The following CTPS2 variants were observed in gnomAD, a reference collection of about 807,000 sequenced individuals.
CTPS2 encodes the protein CTP synthase 2, also known as CTP synthase II.
CTPS2 carries 19 observed loss-of-function variants against 46.8 expected under a neutral mutation model. The observed-to-expected ratio is 0.41, with a 90% CI of 0.28 to 0.60. The LOEUF is 0.60. Among genes scored for constraint, CTPS2 ranks in the 20% least tolerant of loss-of-function variants. The pLI, the probability that CTPS2 is intolerant of heterozygous loss-of-function variation, is 0.35. For synonymous variants in CTPS2, 151 were observed against 165.2 expected (o/e 0.91, Z 0.66); for missense variants, 286 against 447.6 (o/e 0.64, Z 3.26).
Position 16,590,787 on chromosome X carries a change from T to C in CTPS2, c.*6A>G. The stretch of plus-strand genomic sequence containing the variant: ...AGTCCCCATTATTCCCAGTCATGTA[T>C]TCATTTCAGCTTATTTCCAACTCAG... On this transcript the variant is annotated 3_prime_UTR_variant, in exon 18 of 19. Coordinates refer to ENST00000359276, the MANE Select transcript of CTPS2 (RefSeq NM_175859.3). 1 of 1,175,443 alleles carries C rather than the reference T, an allele frequency of 8.5e-7. No individual in the cohort carries two copies. Among genetic ancestry groups the C allele is most frequent in the Non-Finnish European group, 1.2e-6 (1 of 863,134 alleles).
At chrX:16,616,763 C>T (rs1201101491) in intron 16 of CTPS2, among the ~76,000 whole-genome samples, 4 of 111,795 alleles carry the variant, frequency 3.6e-5, no homozygotes, top group Non-Finnish European at 7.5e-5. Flanking sequence ...GACGCGATCT[C>T]GGCTCACTGC....
intron 17 of CTPS2, among the ~76,000 whole-genome samples, chrX:16,591,266 T>C (rs1045342206): frequency 1.2e-4 from 13 of 111,699 alleles, no homozygotes; most frequent in Non-Finnish European, 1.9e-4. Context: ...CAAACTGATT[T>C]AAAATGAAAG....
chrX:16,668,584 C>CA (rs1359003839), intron 11 of CTPS2, among the ~76,000 whole-genome samples: 19 of 81,281 alleles, frequency 2.3e-4, no homozygotes, highest in South Asian at 1.3e-3. Context: ...GACTCTGTCT[C>CA]AAAAAAAAAG....
chrX:16,680,918 G>T (rs1010618168), intron 9 of CTPS2, among the ~76,000 whole-genome samples: 4 of 111,397 alleles, frequency 3.6e-5, no homozygotes, highest in South Asian at 7.5e-4. Flanking sequence ...AGGCACGATG[G>T]CTCACGCTTG....
At chrX:16,688,765 G>GCAAAA (rs113592525) in intron 8 of CTPS2, among the ~76,000 whole-genome samples, 57,344 of 106,315 alleles carry the variant, frequency 0.54, 13,522 homozygotes, top group African/African-American at 0.85. Flanking sequence ...TTAAAAACAA[G>GCAAAA]CAAAACAAAA....
Position 16,693,052 on chromosome X carries a change from G to A in CTPS2, c.639+89C>T, listed in dbSNP as rs772549955. The A allele has an allele frequency of 1.2e-4, 81 of 652,182 alleles. No individual in the cohort carries two copies. In the South Asian group the frequency reaches 1.5e-3, roughly 12 times the overall value. 53.7% of individuals were successfully genotyped at this position (652,182 alleles called of 1,213,427 possible). A position where few individuals can be genotyped will look rare whatever the true frequency, so the allele number is the denominator to read the frequency against. ...AGCCTGGGTGACAGAGCAAGACTCC[G>A]TCTCAAATTAAAAAAAAAAAAAAAA... is the stretch of plus-strand genomic sequence containing the variant. On this transcript the variant is annotated intron_variant, in intron 6 of 18. Transcript: ENST00000359276.
At chrX:16,682,956 A>G (rs1432288370) in intron 9 of CTPS2, 138 bp downstream of exon 9, 2 of 632,687 alleles carry the variant, frequency 3.2e-6, no homozygotes, top group Non-Finnish European at 4.9e-6. Context: ...TAACTATATG[A>G]TGAGTCCTGT....
chrX:16,617,375 T>C, intron 15 of CTPS2, 129 bp from the exon 16 acceptor site: 2 of 371,813 alleles, frequency 5.4e-6, no homozygotes, highest in Non-Finnish European at 9.3e-6. Flanking sequence ...CTATATTCAA[T>C]GCTCAAAGCC....
chrX:16,695,007 A>ACAG (rs1924009507), intron 4 of CTPS2, among the ~76,000 whole-genome samples: 1 of 110,535 alleles, frequency 9.0e-6, no homozygotes, highest in African/African-American at 3.3e-5. Context: ...TTAAAAAACA[A>ACAG]CAACAACAAC....
intron 13 of CTPS2, among the ~76,000 whole-genome samples, chrX:16,647,409 A>C (rs1301275607): frequency 9.3e-6 from 1 of 108,092 alleles, no homozygotes; most frequent in Non-Finnish European, 1.9e-5. Flanking sequence ...CTGGAATTAC[A>C]AACATGCACC....
At chrX:16,630,658 G>A (rs1931418538) in intron 14 of CTPS2, among the ~76,000 whole-genome samples, 1 of 111,146 alleles carries the variant, frequency 9.0e-6, no homozygotes, top group East Asian at 2.9e-4. Context: ...CTCTCTCCTC[G>A]AGCCTGTGGG....
intron 11 of CTPS2, among the ~76,000 whole-genome samples, chrX:16,668,990 T>G (rs1921481256): frequency 9.0e-6 from 1 of 111,032 alleles, no homozygotes; most frequent in Admixed American, 9.6e-5. Flanking sequence ...CATGGTGACT[T>G]CACAGCCATA....
chrX:16,663,836 T>A (rs886549207), intron 13 of CTPS2, among the ~76,000 whole-genome samples: 13 of 110,340 alleles, frequency 1.2e-4, no homozygotes, highest in African/African-American at 1.6e-4. Context: ...TAAAAAAAAA[T>A]TTTTTTTCAT....
chrX:16,682,984 C>T lies in CTPS2; in HGVS notation c.1005+110G>A. ...AGTCCTGTGAGTTCTTCTGGTGAAT[C>T]GTAAGTCCTGCAGGTGATCTCAGGG... On this transcript the variant is annotated intron_variant, in intron 9 of 18. Transcript: ENST00000359276. The T allele has an allele frequency of 4.9e-6, 4 of 822,551 alleles. No individual in the cohort carries two copies. The South Asian group carries it at 7.0e-5, about 14-fold the overall frequency. 67.8% of individuals were successfully genotyped at this position (822,551 alleles called of 1,213,427 possible). A position where few individuals can be genotyped will look rare whatever the true frequency, so the allele number is the denominator to read the frequency against.
intron 7 of CTPS2, among the ~76,000 whole-genome samples, chrX:16,691,180 G>T (rs747973343): frequency 8.9e-6 from 1 of 112,097 alleles, no homozygotes; most frequent in Non-Finnish European, 1.9e-5. Flanking sequence ...TTAGCCAGGC[G>T]TGGTGGCGCA....
intron 13 of CTPS2, among the ~76,000 whole-genome samples, chrX:16,663,452 C>G (rs141242119): frequency 0.018 from 2,036 of 111,512 alleles, 21 homozygotes; most frequent in Non-Finnish European, 0.029. Context: ...TAGCCAAGAT[C>G]TTTTTTTTAA....
intron 16 of CTPS2, among the ~76,000 whole-genome samples, chrX:16,611,522 T>TAA (rs34923654): frequency 0.013 from 1,083 of 84,874 alleles, 13 homozygotes; most frequent in African/African-American, 0.043. Flanking sequence ...TTGAAATTAT[T>TAA]AAAAAAAAAA....
intron 6 of CTPS2, among the ~76,000 whole-genome samples, chrX:16,692,695 T>C (rs1019095933): frequency 2.7e-5 from 3 of 110,691 alleles, no homozygotes; most frequent in African/African-American, 9.9e-5. Flanking sequence ...GGCTCCCAGA[T>C]AGAAAAACCT....
intron 4 of CTPS2, among the ~76,000 whole-genome samples, chrX:16,698,016 A>G (rs1924259368): frequency 9.0e-6 from 1 of 110,889 alleles, no homozygotes; most frequent in Non-Finnish European, 1.9e-5. Context: ...CTGCACGTCC[A>G]CCCAGGAGTA....
Sources: allele counts gnomAD v4.1 joint callset (sites outside exome capture counted in the v4.1 genomes callset), GRCh38; gene constraint gnomAD v4.1.1; transcripts MANE v1.5; gene names NCBI Gene and HGNC (gene_info 2026-07-23, HGNC 2026-07-21).